Variants in ALMS1 observed in about 807,000 individuals in gnomAD.
The protein encoded by ALMS1 is ALMS1 centrosome and basal body associated protein, also known as centrosome-associated protein ALMS1.
Under a neutral mutation model 352.2 loss-of-function variants are expected in ALMS1, and 271 were observed. The observed-to-expected ratio is 0.77, with a 90% CI of 0.70 to 0.85. ALMS1 has a LOEUF of 0.85. ALMS1 is among the 40% of genes least tolerant of loss of function. ALMS1 has a pLI of 0.00. For synonymous variants in ALMS1, 1,865 were observed against 1,761.2 expected, an observed-to-expected ratio of 1.06 and a Z score of -1.48; for missense variants, 5,445 against 4,870.7, an observed-to-expected ratio of 1.12 and a Z score of -3.51.
intron 17 of ALMS1, 23 bp downstream of exon 17, chr2:73,599,544 T>G: frequency 6.2e-7 from 1 of 1,610,612 alleles, no homozygotes; most frequent in Non-Finnish European, 8.5e-7. Context: ...ATCTAAACTT[T>G]TTCATTGAAA....
Position 73,455,198 on chromosome 2 carries a change from G to C in ALMS1, c.7577G>C (p.Gly2526Ala), listed in dbSNP as rs201654702. The stretch of plus-strand genomic sequence containing the variant: ...AAGTTCAATTTAGCACATGATTGTG[G>C]ATACTCCATTTCAGAATTAAATGAA... The part of the protein sequence containing the change: ...NMKFNLAHDC[G>A]YSISELNEDD... Residue 2526 changes from glycine to alanine, a missense_variant, in exon 9 of 23, where the codon GGA (glycine) becomes GCA (alanine). Physicochemically the swap from Gly to Ala is moderately conservative, Grantham distance 60. Transcript: ENST00000613296. 3.1e-6 allele frequency: 5 copies of C among 1,613,984 alleles called. No individual in the cohort carries two copies. Among genetic ancestry groups the C allele is most frequent in the East Asian group, 2.2e-5 (1 of 44,866 alleles).
intron 7 of ALMS1, among the ~76,000 whole-genome samples, chr2:73,441,312 C>T (rs1337316841): frequency 2.0e-5 from 3 of 152,146 alleles, no homozygotes; most frequent in African/African-American, 7.2e-5. Flanking sequence ...AAGGAAAGTG[C>T]CTACCTGAGC....
intron 16 of ALMS1, among the ~76,000 whole-genome samples, chr2:73,597,437 A>G (rs986259933): frequency 5.3e-5 from 8 of 152,194 alleles, no homozygotes; most frequent in African/African-American, 1.9e-4. Context: ...ATAAATAAAA[A>G]AGCAAACACC....
intron 13 of ALMS1, among the ~76,000 whole-genome samples, chr2:73,553,935 A>G (rs907978532): frequency 3.3e-5 from 5 of 152,218 alleles, no homozygotes; most frequent in African/African-American, 9.6e-5. Context: ...ATGATATGGT[A>G]GTATAAAGCA....
chr2:73,488,403 T>G lies in ALMS1; in HGVS notation c.7675-1231T>G, dbSNP rs115871309. On this transcript the variant is annotated intron_variant, in intron 9 of 22. Transcript: ENST00000613296. ...GTGTAATTGGAGCGGGAACCAGGAG[T>G]GGGGAGAGGCCTGGCAGTGGGAGCA... Among the ~76,000 whole-genome samples the G allele has an allele frequency of 5.8e-3, 880 of 151,916 alleles. 12 individuals carry two copies. Among genetic ancestry groups the G allele is most frequent in the African/African-American group, 0.021 (851 of 41,440 alleles).
At chr2:73,438,105 C>T (rs1453502161) in intron 7 of ALMS1, among the ~76,000 whole-genome samples, 1 of 152,190 alleles carries the variant, frequency 6.6e-6, no homozygotes, top group East Asian at 1.9e-4. Context: ...CCGTCAGTCT[C>T]CTCTGTGCAG....
At chr2:73,410,004 A>C (rs1671045753) in intron 2 of ALMS1, among the ~76,000 whole-genome samples, 1 of 152,226 alleles carries the variant, frequency 6.6e-6, no homozygotes, top group Non-Finnish European at 1.5e-5. Flanking sequence ...TGTTGTATTT[A>C]GGCCTTCAAG....
In ALMS1 at chr2:73,491,041, T is replaced by C. The variant is rs1230632226; in HGVS notation, c.9082T>C (p.Cys3028Arg). ...GGTCTCCCAGTCAGCCCCAAATCAC[T>C]GTACATTAGCAGCATCTGCATCTAC... is the stretch of plus-strand genomic sequence containing the variant. The part of the protein sequence containing the change: ...TVVSQSAPNH[C>R]TLAASASTPP... Residue 3028 changes from cysteine to arginine, a missense_variant, in exon 10 of 23, where the codon TGT (cysteine) becomes CGT (arginine). Coordinates refer to ENST00000613296, the MANE Select transcript of ALMS1 (RefSeq NM_001378454.1). 2.5e-6 allele frequency: 4 copies of C among 1,614,208 alleles called. 1 individual carries two copies. The South Asian group carries it at 4.4e-5, about 18-fold the overall frequency.
At chr2:73,473,675 A>G (rs1353885423) in intron 9 of ALMS1, among the ~76,000 whole-genome samples, 1 of 150,600 alleles carries the variant, frequency 6.6e-6, no homozygotes. Flanking sequence ...CCAAAAAGAA[A>G]TATCGACAAA....
intron 16 of ALMS1, among the ~76,000 whole-genome samples, chr2:73,577,842 A>G (rs539930412): frequency 2.0e-5 from 3 of 152,274 alleles, no homozygotes; most frequent in African/African-American, 7.2e-5. Context: ...TGCATTTAAG[A>G]CGAATGTGTA....
In ALMS1 at chr2:73,447,945, T is replaced by C; in HGVS notation, c.1433-15T>C. 1 of 1,595,742 alleles carries C rather than the reference T, an allele frequency of 6.3e-7. No homozygotes were observed. The highest frequency in any genetic ancestry group is 8.5e-7 in the Non-Finnish European group (1 of 1,170,936). ...GAAAATTTTATATACTATTAACAAATCTCTTTTTCTTTAGGAGACACTTCT... is the reference window on the plus strand; with the variant it reads ...GAAAATTTTATATACTATTAACAAACCTCTTTTTCTTTAGGAGACACTTCT... On this transcript the variant is annotated splice_polypyrimidine_tract_variant and intron_variant, in intron 7 of 22. Transcript: ENST00000613296.
intron 16 of ALMS1, among the ~76,000 whole-genome samples, chr2:73,583,251 C>G (rs1292291601): frequency 6.6e-6 from 1 of 150,886 alleles, no homozygotes; most frequent in Non-Finnish European, 1.5e-5. Flanking sequence ...TGGTCTCGAG[C>G]TCCTGGGCTC....
intron 12 of ALMS1, among the ~76,000 whole-genome samples, chr2:73,539,133 C>A (rs1253754739): frequency 6.6e-6 from 1 of 152,174 alleles, no homozygotes; most frequent in Admixed American, 6.5e-5. Flanking sequence ...GAGGCACCCC[C>A]CAGGAGGGGC....
At chr2:73,588,893 T>G (rs1474049453) in intron 16 of ALMS1, among the ~76,000 whole-genome samples, 1 of 152,164 alleles carries the variant, frequency 6.6e-6, no homozygotes, top group African/African-American at 2.4e-5. Context: ...GAAGAGAAAT[T>G]ACACTCAAAA....
At chr2:73,488,178 C>T (rs1672896210) in intron 9 of ALMS1, among the ~76,000 whole-genome samples, 2 of 152,160 alleles carry the variant, frequency 1.3e-5, no homozygotes, top group Non-Finnish European at 2.9e-5. Flanking sequence ...CATGGCACAC[C>T]CAGGCTGTTT....
intron 7 of ALMS1, among the ~76,000 whole-genome samples, chr2:73,442,134 A>G (rs780452664): frequency 6.6e-6 from 1 of 152,114 alleles, no homozygotes; most frequent in Non-Finnish European, 1.5e-5. Flanking sequence ...TATATTATAT[A>G]ATACAGGTTG....
intron 12 of ALMS1, among the ~76,000 whole-genome samples, chr2:73,537,117 C>G (rs1307455633): frequency 6.6e-6 from 1 of 152,128 alleles, no homozygotes; most frequent in Non-Finnish European, 1.5e-5. Flanking sequence ...CCATCCAGTG[C>G]TAAAGGCCTC....
At chr2:73,485,872 A>C (rs1572965423) in intron 9 of ALMS1, among the ~76,000 whole-genome samples, 1 of 152,096 alleles carries the variant, frequency 6.6e-6, no homozygotes, top group Non-Finnish European at 1.5e-5. Context: ...TTGACTAGGA[A>C]AGGGAACTCC....
At chr2:73,602,501 T>A in intron 20 of ALMS1, 133 bp downstream of exon 20, 1 of 1,056,138 alleles carries the variant, frequency 9.5e-7, no homozygotes, top group Non-Finnish European at 1.4e-6. Context: ...TTGCCAAGAC[T>A]CAAACCTTCT....
Sources: allele counts gnomAD v4.1 joint callset (sites outside exome capture counted in the v4.1 genomes callset), GRCh38; gene constraint gnomAD v4.1.1; transcripts MANE v1.5; gene names NCBI Gene and HGNC (gene_info 2026-07-23, HGNC 2026-07-21).